The following PC variants were observed in gnomAD, a reference collection of about 807,000 sequenced individuals.
PC encodes pyruvate carboxylase.
PC carries 46 observed loss-of-function variants against 107.8 expected under a neutral mutation model. The observed-to-expected ratio is 0.43, with a 90% CI of 0.34 to 0.55. The LOEUF (loss-of-function observed/expected upper bound fraction) is 0.55, where lower values mean the gene tolerates loss of function less well. Ranked by LOEUF, PC falls within the 20% of genes least tolerant of loss-of-function variation. The pLI, the probability that PC is intolerant of heterozygous loss-of-function variation, is 0.04. For synonymous variants in PC, 662 were observed against 684.7 expected (o/e 0.97, Z 0.52); for missense variants, 1,241 against 1,643.1 (o/e 0.76, Z 4.23).
chr11:66,886,637 C>A (rs1190658582), intron 3 of PC, among the ~76,000 whole-genome samples: 1 of 152,082 alleles, frequency 6.6e-6, no homozygotes, highest in African/African-American at 2.4e-5. Context: ...ATCAACAGCA[C>A]CCATTAGATG....
chr11:66,896,099 G>A (rs771914001), intron 3 of PC, among the ~76,000 whole-genome samples: 7 of 150,764 alleles, frequency 4.6e-5, no homozygotes, highest in Non-Finnish European at 7.4e-5. Context: ...TTTTCTTTCC[G>A]GAGACAGTCT....
intron 3 of PC, among the ~76,000 whole-genome samples, chr11:66,932,890 G>A (rs569833114): frequency 1.3e-5 from 2 of 152,146 alleles, no homozygotes; most frequent in East Asian, 3.9e-4. Context: ...CCAGCACCAG[G>A]AACTATGAAT....
At chr11:66,872,785 C>G (rs1021566652) in intron 3 of PC, among the ~76,000 whole-genome samples, 2 of 151,848 alleles carry the variant, frequency 1.3e-5, no homozygotes, top group Non-Finnish European at 2.9e-5. Context: ...CCTGTAATCC[C>G]AGCACTTTGG....
chr11:66,898,086 A>G (rs1213553040), intron 3 of PC, among the ~76,000 whole-genome samples: 1 of 152,176 alleles, frequency 6.6e-6, no homozygotes, highest in Non-Finnish European at 1.5e-5. Context: ...CAGTTCCAAA[A>G]ATGTTTAACT....
intron 12 of PC, among the ~76,000 whole-genome samples, chr11:66,856,396 G>A (rs1185473522): frequency 6.6e-6 from 1 of 151,756 alleles, no homozygotes; most frequent in Admixed American, 6.6e-5. Flanking sequence ...GGAGAGGCGA[G>A]AGGCAGCTGG....
chr11:66,935,541 G>C (rs1187641891), intron 3 of PC, among the ~76,000 whole-genome samples: 1 of 152,190 alleles, frequency 6.6e-6, no homozygotes, highest in African/African-American at 2.4e-5. Flanking sequence ...ACTTCAGAAG[G>C]AAAGGGGAGG....
At position 66,866,434 on chromosome 11, in the gene PC, G is replaced by C; in HGVS notation, c.1023-85C>G. 9.9e-7 allele frequency: 1 copy of C among 1,011,090 alleles called. No homozygotes were observed. Among genetic ancestry groups the C allele is most frequent in the South Asian group, 1.4e-5 (1 of 70,462 alleles). The allele number at this position is 1,011,090 out of a possible 1,614,324, so 62.6% of individuals were successfully genotyped here. A position where few individuals can be genotyped will look rare whatever the true frequency, so the allele number is the denominator to read the frequency against. On this transcript the variant is annotated intron_variant, in intron 10 of 22. Coordinates refer to ENST00000393960, the MANE Select transcript of PC (RefSeq NM_001040716.2). The surrounding 1 kb of genome is among the most constrained non-coding windows in gnomAD (Gnocchi z 5.4). ...GGATAGACGAGGGGCACCGCAGCCA[G>C]TGGGGCGTCCACACACAGTGCGACT...
chr11:66,904,284 C>A (rs923480246), intron 3 of PC, among the ~76,000 whole-genome samples: 2 of 152,056 alleles, frequency 1.3e-5, no homozygotes, highest in Non-Finnish European at 2.9e-5. Flanking sequence ...GTTCATGGCC[C>A]CAGAGCTGGA....
chr11:66,851,685 A>G, intron 16 of PC, 105 bp downstream of exon 16: 1 of 1,214,090 alleles, frequency 8.2e-7, no homozygotes, highest in South Asian at 1.2e-5. Flanking sequence ...GGCCACAGAG[A>G]GACTTGGTGT....
At chr11:66,943,886 A>G (rs1428519754) in intron 3 of PC, among the ~76,000 whole-genome samples, 1 of 148,830 alleles carries the variant, frequency 6.7e-6, no homozygotes, top group African/African-American at 2.5e-5. Flanking sequence ...AGAGAGGCTG[A>G]GGCAGAGAAT....
chr11:66,865,092 G>A (rs531527849), intron 11 of PC, among the ~76,000 whole-genome samples: 9 of 152,366 alleles, frequency 5.9e-5, no homozygotes, highest in South Asian at 2.1e-4. Context: ...GTCAGGGGCC[G>A]CCGGGCAGCA....
At chr11:66,927,112 C>T (rs1948735706) in intron 3 of PC, among the ~76,000 whole-genome samples, 1 of 145,948 alleles carries the variant, frequency 6.9e-6, no homozygotes, top group Non-Finnish European at 1.5e-5. Context: ...CACCCTCAGT[C>T]TCCTGAGTAG....
In PC at chr11:66,887,890, G is replaced by A. The variant is rs904771652; in HGVS notation, c.1-15731C>T. Among the ~76,000 whole-genome samples the A allele has an allele frequency of 2.6e-5, 4 of 152,232 alleles. No homozygotes were observed. The East Asian group carries it at 5.8e-4, about 22-fold the overall frequency. The stretch of plus-strand genomic sequence containing the variant: ...CGAAACCAAGTGAGGGCAGGGCTGC[G>A]CCCCTCCGAGGGCCTGCAACGAATC... On this transcript the variant is annotated intron_variant, in intron 3 of 22. Coordinates refer to ENST00000393960, the MANE Select transcript of PC (RefSeq NM_001040716.2).
In PC at chr11:66,866,443, C is replaced by T; in HGVS notation, c.1023-94G>A. ...AGGGGCACCGCAGCCAGTGGGGCGT[C>T]CACACACAGTGCGACTCCTGCCCAT... On this transcript the variant is annotated intron_variant, in intron 10 of 22. Coordinates refer to ENST00000393960, the MANE Select transcript of PC (RefSeq NM_001040716.2). The surrounding 1 kb of genome is among the most constrained non-coding windows in gnomAD (Gnocchi z 5.4). The T allele has an allele frequency of 1.1e-6, 1 of 923,940 alleles. No individual in the cohort carries two copies. The highest frequency in any genetic ancestry group is 1.7e-6 in the Non-Finnish European group (1 of 594,792). The allele number at this position is 923,940 out of a possible 1,614,324, so 57.2% of individuals were successfully genotyped here. A position where few individuals can be genotyped will look rare whatever the true frequency, so the allele number is the denominator to read the frequency against.
intron 3 of PC, among the ~76,000 whole-genome samples, chr11:66,894,559 C>T (rs1313315429): frequency 2.0e-5 from 3 of 152,366 alleles, no homozygotes; most frequent in South Asian, 2.1e-4. Flanking sequence ...GAGCGCAGCT[C>T]GCGTCAGCTG....
intron 9 of PC, among the ~76,000 whole-genome samples, chr11:66,869,507 A>G (rs1242199426): frequency 6.6e-6 from 1 of 152,168 alleles, no homozygotes; most frequent in Admixed American, 6.5e-5. Flanking sequence ...CACCAAAACG[A>G]TAAACCAGAC....
chr11:66,930,200 C>CA (rs749413603), intron 3 of PC, among the ~76,000 whole-genome samples: 1 of 150,344 alleles, frequency 6.7e-6, no homozygotes, highest in Non-Finnish European at 1.5e-5. Context: ...GGTAGAAAAA[C>CA]AAAAAACTCC....
intron 3 of PC, among the ~76,000 whole-genome samples, chr11:66,936,974 C>G (rs1424491175): frequency 6.6e-6 from 1 of 152,104 alleles, no homozygotes; most frequent in East Asian, 1.9e-4. Context: ...CCCTAAGTAG[C>G]TGGGACTACA....
chr11:66,859,911 C>CG, intron 12 of PC: 3 of 1,581,398 alleles, frequency 1.9e-6, no homozygotes, highest in Non-Finnish European at 8.6e-7. Context: ...GGTTCGGGGC[C>CG]GGGGGGCCGG....
Sources: allele counts gnomAD v4.1 joint callset (sites outside exome capture counted in the v4.1 genomes callset), GRCh38; gene constraint gnomAD v4.1.1; non-coding constraint Gnocchi (gnomAD v3.1); transcripts MANE v1.5; gene names NCBI Gene and HGNC (gene_info 2026-07-23, HGNC 2026-07-21).